Variants in TCERG1 observed in about 807,000 individuals in gnomAD.
TCERG1 encodes TATA box binding protein (TBP)-associated factor, RNA polymerase II, S, 150kD.
TCERG1 carries 37 observed loss-of-function variants against 144.7 expected under a neutral mutation model. The observed-to-expected ratio is 0.26, with a 90% CI of 0.20 to 0.34. The LOEUF (loss-of-function observed/expected upper bound fraction) is 0.34. TCERG1 is among the 10% of genes least tolerant of loss of function. The probability of loss-of-function intolerance (pLI) is 1.00; values close to 1 mark genes in which losing one functional copy is unlikely to be tolerated. For synonymous variants in TCERG1, 492 were observed against 458.2 expected (o/e 1.07, Z -0.94); for missense variants, 1,027 against 1,380.7 (o/e 0.74, Z 4.06).
In TCERG1 at chr5:146,511,682, A is replaced by G. The variant is rs1581598866; in HGVS notation, c.*1040A>G. On this transcript the variant is annotated 3_prime_UTR_variant, in exon 23 of 23. Transcript: ENST00000679501. ...GTATTTGCAGTATAAAAAGGAAGGA[A>G]TTTGTAGAGAATCATTTTGGTGCTC... The G allele has an allele frequency of 6.6e-6, 1 of 152,538 alleles. No individual in the cohort carries two copies. Among genetic ancestry groups the G allele is most frequent in the African/African-American group, 2.4e-5 (1 of 41,454 alleles). The allele number at this position is 152,538 out of a possible 1,614,324, so 9.4% of individuals were successfully genotyped here. A position where few individuals can be genotyped will look rare whatever the true frequency, so the allele number is the denominator to read the frequency against.
intron 15 of TCERG1, among the ~76,000 whole-genome samples, chr5:146,486,628 A>T (rs1033777253): frequency 4.6e-5 from 7 of 152,228 alleles, no homozygotes; most frequent in Non-Finnish European, 8.8e-5. Context: ...CTTAGTCAAC[A>T]TAGTGCTGGA....
chr5:146,503,157 G>A (rs905276601), intron 17 of TCERG1: 5 of 277,598 alleles, frequency 1.8e-5, no homozygotes, highest in Non-Finnish European at 3.3e-5. Context: ...GCAAATTTTA[G>A]ATGAAAGCCT....
intron 12 of TCERG1, chr5:146,480,521 G>T (rs566025191): frequency 4.7e-4 from 74 of 157,026 alleles, no homozygotes; most frequent in Middle Eastern, 3.4e-3. Context: ...GGTGAGGAGA[G>T]AACCCATAAG....
At chr5:146,483,668 T>C in intron 15 of TCERG1, 39 bp downstream of exon 15, 1 of 1,474,448 alleles carries the variant, frequency 6.8e-7, no homozygotes, top group Non-Finnish European at 9.3e-7. Flanking sequence ...TGTATATCTC[T>C]TGCCAACATA....
intron 17 of TCERG1, among the ~76,000 whole-genome samples, chr5:146,499,029 A>T (rs1767191625): frequency 6.6e-6 from 1 of 152,210 alleles, no homozygotes; most frequent in Non-Finnish European, 1.5e-5. Flanking sequence ...GAATTTCAAA[A>T]AGCTTCTTTA....
Position 146,503,536 on chromosome 5 carries a change from C to G in TCERG1, c.2595C>G (p.Ala865=). 3 of 1,612,994 alleles carry G rather than the reference C, an allele frequency of 1.9e-6. No homozygotes were observed. The highest frequency in any genetic ancestry group is 2.5e-6 in the Non-Finnish European group (3 of 1,179,458). Residue 865 remains alanine (A), a synonymous_variant, in exon 18 of 23, where the codon GCC becomes GCG. Transcript: ENST00000679501. ...DLFKQYIEKI[A]KNLDSEKEKE... is the part of the protein sequence containing the mutation. The stretch of plus-strand genomic sequence containing the variant: ...TCAAACAGTACATTGAAAAAATAGC[C>G]AAGGTAACTGTTGTGTTTACTTGTA...
chr5:146,482,697 G>A lies in TCERG1; in HGVS notation c.2043G>A (p.Lys681=), dbSNP rs564268554. 3 of 1,613,068 alleles carry A rather than the reference G, an allele frequency of 1.9e-6. No homozygotes were observed. The highest frequency in any genetic ancestry group is 1.3e-5 in the African/African-American group (1 of 74,978). Residue 681 remains lysine, a synonymous_variant, in exon 14 of 23, where the codon AAG becomes AAA. Transcript: ENST00000679501. The stretch of plus-strand genomic sequence containing the variant: ...TTGTCCCTCTGGAGGCTCGAATGAA[G>A]CAGTTCAAGGACATGCTGCTAGAGA... ...RAIVPLEARM[K]QFKDMLLERG...
Position 146,457,248 on chromosome 5 carries a change from A to T in TCERG1, c.351A>T (p.Pro117=). The T allele has an allele frequency of 1.2e-6, 2 of 1,614,192 alleles. No individual in the cohort carries two copies. Among genetic ancestry groups the T allele is most frequent in the Non-Finnish European group, 1.7e-6 (2 of 1,179,996 alleles). The change falls in exon 3 of 23, where the codon CCA becomes CCT. Residue 117 remains proline, a synonymous_variant. Coordinates refer to ENST00000679501, the MANE Select transcript of TCERG1 (RefSeq NM_001382548.1). ...MPPPPGMMFP[P]GMPPVTAPGT... is the part of the protein sequence containing the mutation. The stretch of plus-strand genomic sequence containing the variant: ...CTCCTCCGGGTATGATGTTTCCACC[A>T]GGAATGCCTCCTGTGACTGCTCCTG...
At chr5:146,498,446 T>C (rs1173758280) in intron 16 of TCERG1, 90 bp from the exon 17 acceptor site, 1 of 1,391,622 alleles carries the variant, frequency 7.2e-7, no homozygotes, top group African/African-American at 1.4e-5. Context: ...CTTTGTCATA[T>C]ACTCTTGTTG....
intron 17 of TCERG1, 70 bp downstream of exon 17, chr5:146,498,756 T>A: frequency 2.0e-6 from 3 of 1,497,172 alleles, no homozygotes; most frequent in South Asian, 1.4e-5. Flanking sequence ...GCTGGTGTTA[T>A]GTTTCTAACC....
chr5:146,492,780 T>A, intron 15 of TCERG1, 140 bp from the exon 16 acceptor site: 1 of 566,206 alleles, frequency 1.8e-6, no homozygotes, highest in South Asian at 2.6e-5. Context: ...TGAAACTTGG[T>A]ATAGATTATC....
In TCERG1 at chr5:146,499,060, A is replaced by G. The variant is rs999387465; in HGVS notation, c.2433+374A>G. On this transcript the variant is annotated intron_variant, in intron 17 of 22. Transcript: ENST00000679501. ...CTTTATCTTTTTTGCCCTCTAAAAG[A>G]TAGCATTTTAGTGACTTTCTATTCT... 1.8e-4 allele frequency among the ~76,000 whole-genome samples: 28 copies of G among 152,210 alleles called. 1 individual carries two copies. The highest frequency in any genetic ancestry group is 1.8e-3 in the Admixed American group (27 of 15,278).
chr5:146,510,366 G>A, intron 22 of TCERG1, 75 bp from the exon 23 acceptor site: 1 of 1,050,742 alleles, frequency 9.5e-7, no homozygotes, highest in Middle Eastern at 2.9e-4. Context: ...GGAACTAGAT[G>A]GACATTTCCA....
chr5:146,480,524 C>T (rs1482004398), intron 12 of TCERG1: 1 of 156,246 alleles, frequency 6.4e-6, no homozygotes. Context: ...GAGGAGAGAA[C>T]CCATAAGCTT....
chr5:146,490,986 T>A (rs1168513745), intron 15 of TCERG1, among the ~76,000 whole-genome samples: 1 of 152,112 alleles, frequency 6.6e-6, no homozygotes, highest in Non-Finnish European at 1.5e-5. Context: ...TCTGTGAGGT[T>A]GTTTAGGAAC....
chr5:146,478,450 T>C (rs1324920335), intron 9 of TCERG1, 43 bp from the exon 10 acceptor site: 2 of 1,510,622 alleles, frequency 1.3e-6, no homozygotes, highest in Non-Finnish European at 1.8e-6. Context: ...CTGTAAAATA[T>C]GTTCTGTAAC....
At chr5:146,453,306 C>T (rs185296273) in intron 1 of TCERG1, among the ~76,000 whole-genome samples, 71 of 152,192 alleles carry the variant, frequency 4.7e-4, no homozygotes, top group African/African-American at 1.7e-3. Flanking sequence ...GAAGTAATTT[C>T]AAATTTACAA....
Position 146,457,263 on chromosome 5 carries a change from G to T in TCERG1, c.366G>T (p.Val122=). ...GMMFPPGMPP[V]TAPGTPALPP... ...TGTTTCCACCAGGAATGCCTCCTGT[G>T]ACTGCTCCTGGTACTCCAGCACTAC... The change falls in exon 3 of 23, where the codon GTG becomes GTT. Residue 122 remains valine, a synonymous_variant. Transcript: ENST00000679501. The T allele has an allele frequency of 6.2e-7, 1 of 1,614,118 alleles. No homozygotes were observed. Among genetic ancestry groups the T allele is most frequent in the South Asian group, 1.1e-5 (1 of 91,082 alleles).
At position 146,463,636 on chromosome 5, in the gene TCERG1, C is replaced by T. The variant is rs759370157; in HGVS notation, c.978C>T (p.Ala326=). Residue 326 remains alanine (A), a synonymous_variant, in exon 5 of 23, where the codon GCC becomes GCT. Coordinates refer to ENST00000679501, the MANE Select transcript of TCERG1 (RefSeq NM_001382548.1). ...GTGTTTCAACTCCTGCTCCTACAGC[C>T]ACACCTGTGCAAACCGTTCCCCAGC... is the stretch of plus-strand genomic sequence containing the variant. ...TVSVSTPAPT[A]TPVQTVPQPH... is the part of the protein sequence containing the mutation. 6.2e-7 allele frequency: 1 copy of T among 1,614,196 alleles called. No homozygotes were observed. The highest frequency in any genetic ancestry group is 2.2e-5 in the East Asian group (1 of 44,878).
Sources: gnomAD v4.1 joint callset for allele counts (sites outside exome capture counted in the v4.1 genomes callset) on GRCh38, gnomAD v4.1.1 for gene constraint, MANE v1.5 for transcripts, NCBI Gene and HGNC (gene_info 2026-07-23, HGNC 2026-07-21) for gene names.